KCNH8: variants seen among roughly 807,000 people sequenced by gnomAD.
The protein encoded by KCNH8 is potassium voltage-gated channel subfamily H member 8.
KCNH8 carries 70 observed loss-of-function variants against 103.6 expected under a neutral mutation model. That is an observed-to-expected ratio of 0.68 (90% CI 0.56 to 0.82). The LOEUF (loss-of-function observed/expected upper bound fraction) is 0.82. Ranked by LOEUF, KCNH8 falls within the 40% of genes least tolerant of loss-of-function variation. KCNH8 has a pLI of 0.00. For synonymous variants in KCNH8, 498 were observed against 489.4 expected, an observed-to-expected ratio of 1.02 and a Z score of -0.23; for missense variants, 1,217 against 1,329.9, an observed-to-expected ratio of 0.92 and a Z score of 1.32.
chr3:19,170,584 C>CTATATATATATA (rs113772694), intron 1 of KCNH8, among the ~76,000 whole-genome samples: 1,515 of 113,850 alleles, frequency 0.013, 33 homozygotes, highest in African/African-American at 0.045. Context: ...CTTGGGGCAT[C>CTATATATATATA]TATATATATA....
At chr3:19,261,647 G>A (rs1183198188) in intron 2 of KCNH8, among the ~76,000 whole-genome samples, 1 of 151,772 alleles carries the variant, frequency 6.6e-6, no homozygotes, top group Non-Finnish European at 1.5e-5. Context: ...AATTTTTGGT[G>A]TAAGATTCAA....
intron 15 of KCNH8, among the ~76,000 whole-genome samples, chr3:19,522,603 A>G (rs2068991062): frequency 6.6e-6 from 1 of 151,944 alleles, no homozygotes; most frequent in South Asian, 2.1e-4. Context: ...CACACCCAGA[A>G]TAATCTACCA....
intron 15 of KCNH8, among the ~76,000 whole-genome samples, chr3:19,522,072 T>A (rs2068980305): frequency 6.6e-6 from 1 of 151,952 alleles, no homozygotes; most frequent in Admixed American, 6.6e-5. Context: ...CATTTTATTT[T>A]GTGTATATGT....
chr3:19,466,028 G>A (rs997698663), intron 11 of KCNH8, among the ~76,000 whole-genome samples: 9 of 152,004 alleles, frequency 5.9e-5, no homozygotes, highest in African/African-American at 1.7e-4. Flanking sequence ...TTGACCTCCT[G>A]GGCCCAAGAG....
At chr3:19,374,196 G>A (rs1220713550) in intron 5 of KCNH8, among the ~76,000 whole-genome samples, 1 of 150,906 alleles carries the variant, frequency 6.6e-6, no homozygotes, top group Non-Finnish European at 1.5e-5. Context: ...TCTGTCTAAT[G>A]TTGACAGTGG....
intron 5 of KCNH8, among the ~76,000 whole-genome samples, chr3:19,355,904 T>A (rs9883631): frequency 6.6e-6 from 1 of 150,940 alleles, no homozygotes; most frequent in African/African-American, 2.4e-5. Flanking sequence ...ATATATTTAC[T>A]AAATCAATAT....
chr3:19,206,831 A>G (rs936489408), intron 1 of KCNH8, among the ~76,000 whole-genome samples: 2 of 152,112 alleles, frequency 1.3e-5, no homozygotes, highest in African/African-American at 2.4e-5. Flanking sequence ...AACCAAATGC[A>G]GAAAGAATTT....
chr3:19,185,686 T>G (rs951684739), intron 1 of KCNH8, among the ~76,000 whole-genome samples: 3 of 150,398 alleles, frequency 2.0e-5, no homozygotes, highest in Non-Finnish European at 2.9e-5. Flanking sequence ...ATTGATAGTT[T>G]AGGTATTTAG....
intron 3 of KCNH8, among the ~76,000 whole-genome samples, chr3:19,319,601 T>C (rs1200679372): frequency 6.6e-6 from 1 of 152,058 alleles, no homozygotes; most frequent in Non-Finnish European, 1.5e-5. Context: ...GGTAATGTAA[T>C]GTCTCCAGAT....
At chr3:19,302,236 A>G (rs968668916) in intron 3 of KCNH8, among the ~76,000 whole-genome samples, 1 of 152,128 alleles carries the variant, frequency 6.6e-6, no homozygotes, top group African/African-American at 2.4e-5. Flanking sequence ...AAATATAAAT[A>G]TGATTGAAAG....
At chr3:19,463,991 A>C (rs1209517846) in intron 11 of KCNH8, among the ~76,000 whole-genome samples, 1 of 152,172 alleles carries the variant, frequency 6.6e-6, no homozygotes, top group African/African-American at 2.4e-5. Context: ...GCGTAAATTA[A>C]AATGTACTCA....
intron 1 of KCNH8, among the ~76,000 whole-genome samples, chr3:19,216,773 T>G (rs2063822400): frequency 6.6e-6 from 1 of 152,190 alleles, no homozygotes; most frequent in South Asian, 2.1e-4. Context: ...TTTGTAGCAG[T>G]TAGAGCACTG....
At chr3:19,212,946 A>G (rs1369265159) in intron 1 of KCNH8, among the ~76,000 whole-genome samples, 1 of 152,158 alleles carries the variant, frequency 6.6e-6, no homozygotes, top group Middle Eastern at 3.2e-3. Flanking sequence ...TATTTTTTCA[A>G]TGAGAAAACT....
At chr3:19,368,635 TTATA>T (rs1053719532) in intron 5 of KCNH8, among the ~76,000 whole-genome samples, 1 of 152,018 alleles carries the variant, frequency 6.6e-6, no homozygotes, top group African/African-American at 2.4e-5. Flanking sequence ...TGAATAAAGA[TTATA>T]TACTTAGAAG....
chr3:19,491,006 G>T (rs1188452640), intron 11 of KCNH8, among the ~76,000 whole-genome samples: 2 of 152,134 alleles, frequency 1.3e-5, no homozygotes, highest in Non-Finnish European at 2.9e-5. Context: ...AAAATACTCT[G>T]GGCAGAATCT....
intron 2 of KCNH8, among the ~76,000 whole-genome samples, chr3:19,262,405 T>C (rs1252320394): frequency 1.3e-5 from 2 of 152,060 alleles, no homozygotes; most frequent in Admixed American, 6.6e-5. Context: ...TGGAAGATTT[T>C]TAGAATATTT....
At chr3:19,374,769 T>G (rs377300899) in intron 5 of KCNH8, among the ~76,000 whole-genome samples, 12 of 152,334 alleles carry the variant, frequency 7.9e-5, no homozygotes, top group East Asian at 3.9e-4. Flanking sequence ...TGTTTAGTGC[T>G]TCCTTCAGGA....
chr3:19,491,431 T>C (rs2068318917), intron 11 of KCNH8, among the ~76,000 whole-genome samples: 1 of 152,218 alleles, frequency 6.6e-6, no homozygotes, highest in African/African-American at 2.4e-5. Flanking sequence ...ATGTGGTATT[T>C]AGTTTTCTGT....
intron 1 of KCNH8, among the ~76,000 whole-genome samples, chr3:19,196,751 C>A (rs2063606470): frequency 6.6e-6 from 1 of 151,972 alleles, no homozygotes; most frequent in Non-Finnish European, 1.5e-5. Context: ...AAAAATCCAA[C>A]TAGTTGACTG....
Sources: allele counts gnomAD v4.1 joint callset (sites outside exome capture counted in the v4.1 genomes callset), GRCh38; gene constraint gnomAD v4.1.1; transcripts MANE v1.5; gene names NCBI Gene and HGNC (gene_info 2026-07-23, HGNC 2026-07-21).